The following ANK3 variants were observed in gnomAD, a reference collection of about 807,000 sequenced individuals.
ANK3 encodes ankyrin-3.
ANK3 carries 57 observed loss-of-function variants against 370.9 expected under a neutral mutation model. The observed-to-expected ratio is 0.15, with a 90% CI of 0.12 to 0.19. The LOEUF (loss-of-function observed/expected upper bound fraction) is 0.19. ANK3 is among the 10% of genes least tolerant of loss of function. The pLI, the probability that ANK3 is intolerant of heterozygous loss-of-function variation, is 1.00. For missense variants in ANK3, 4,439 were observed against 5,302.1 expected (o/e 0.84, Z 5.06); for synonymous variants, 1,929 against 1,946.3 (o/e 0.99, Z 0.23).
chr10:60,101,321 C>G (rs912406543), intron 28 of ANK3, among the ~76,000 whole-genome samples: 3 of 152,142 alleles, frequency 2.0e-5, no homozygotes, highest in African/African-American at 7.2e-5. Context: ...AGGACCTCTT[C>G]TACTAGAAAA....
chr10:60,316,474 A>G (rs115491308), intron 1 of ANK3, among the ~76,000 whole-genome samples: 3,624 of 152,230 alleles, frequency 0.024, 129 homozygotes, highest in African/African-American at 0.079. Context: ...CACTTTTTTC[A>G]TCTTAAAAAT....
intron 2 of ANK3, among the ~76,000 whole-genome samples, chr10:60,540,677 G>A (rs898778844): frequency 1.3e-5 from 2 of 151,884 alleles, no homozygotes; most frequent in Admixed American, 6.6e-5. Context: ...ACAAAGGACG[G>A]TTTAGAATGT....
At chr10:60,616,830 C>A (rs2078274377) in intron 1 of ANK3, among the ~76,000 whole-genome samples, 2 of 152,136 alleles carry the variant, frequency 1.3e-5, no homozygotes, top group South Asian at 4.1e-4. Flanking sequence ...GGCAAGTGCC[C>A]ATTTCTCTAA....
At chr10:60,174,043 G>T (rs2095861172) in intron 18 of ANK3, among the ~76,000 whole-genome samples, 1 of 152,136 alleles carries the variant, frequency 6.6e-6, no homozygotes. Flanking sequence ...GGAGAACATT[G>T]ACCTTTTATC....
chr10:60,613,652 G>C (rs772135774), intron 2 of ANK3, among the ~76,000 whole-genome samples: 1 of 151,924 alleles, frequency 6.6e-6, no homozygotes, highest in Non-Finnish European at 1.5e-5. Flanking sequence ...CTAGTATCAT[G>C]ATGAGCCTAC....
chr10:60,131,726 T>C (rs2094080230), intron 25 of ANK3, among the ~76,000 whole-genome samples: 1 of 152,156 alleles, frequency 6.6e-6, no homozygotes, highest in African/African-American at 2.4e-5. Context: ...TTTACTTCAA[T>C]GTTGATGTGC....
chr10:60,387,029 G>A (rs545254426), intron 1 of ANK3, among the ~76,000 whole-genome samples: 26 of 152,074 alleles, frequency 1.7e-4, no homozygotes, highest in Admixed American at 7.2e-4. Context: ...GCAGGGTGGC[G>A]GGTGCCTGTA....
chr10:60,627,267 T>G (rs2133335993), intron 1 of ANK3, among the ~76,000 whole-genome samples: 1 of 152,216 alleles, frequency 6.6e-6, no homozygotes, highest in East Asian at 1.9e-4. Context: ...ATTTCTAGAA[T>G]GAACTGCACT....
At chr10:60,273,302 A>G (rs2098030006) in intron 4 of ANK3, among the ~76,000 whole-genome samples, 1 of 152,194 alleles carries the variant, frequency 6.6e-6, no homozygotes, top group Non-Finnish European at 1.5e-5. Flanking sequence ...CTGAACAGTT[A>G]CATACTTCCT....
In ANK3 at chr10:60,072,190, A is replaced by G; in HGVS notation, c.8691T>C (p.Phe2897=). 1 of 1,613,898 alleles carries G rather than the reference A, an allele frequency of 6.2e-7. No homozygotes were observed. ...ESKSVDQKNE[F]MSVTERERKL... ...TGCGTTCTCTCTCAGTCACAGACATAAATTCATTCTTTTGATCAACACTTT... is the reference window on the plus strand; with the variant it reads ...TGCGTTCTCTCTCAGTCACAGACATGAATTCATTCTTTTGATCAACACTTT... Residue 2897 remains phenylalanine (F), a synonymous_variant, in exon 37 of 44, where the codon TTT becomes TTC. Coordinates refer to ENST00000280772, the MANE Select transcript of ANK3 (RefSeq NM_020987.5).
At chr10:60,723,502 A>T (rs10994481) in intron 1 of ANK3, among the ~76,000 whole-genome samples, 30,099 of 152,150 alleles carry the variant, frequency 0.2, 3,557 homozygotes, top group South Asian at 0.33. Flanking sequence ...GCCACTCATA[A>T]ACAGGTGGAC....
rs1470377667 is a variant in ANK3 at position 60,072,088 on chromosome 10, C to A, written c.8793G>T (p.Arg2931Ser). The change falls in exon 37 of 44, where the codon AGG becomes AGT. Residue 2931 changes from arginine (R) to serine (S), a missense_variant. Transcript: ENST00000280772. The part of the protein sequence containing the change: ...VKSPSKKVLY[R>S]EYVVKEGDHP... The stretch of plus-strand genomic sequence containing the variant: ...GGTCCCCTTCTTTCACAACATATTC[C>A]CTATATAAGACTTTTTTGGAGGGAG... 6.2e-7 allele frequency: 1 copy of A among 1,613,976 alleles called. No homozygotes were observed. Among genetic ancestry groups the A allele is most frequent in the Admixed American group, 1.7e-5 (1 of 59,990 alleles).
intron 2 of ANK3, among the ~76,000 whole-genome samples, chr10:60,395,573 TTTC>T (rs1477305236): frequency 8.8e-4 from 88 of 99,814 alleles, no homozygotes; most frequent in South Asian, 3.4e-3. Context: ...TCTTTCTTTC[TTTC>T]TTTCTTTCTT....
Position 60,279,103 on chromosome 10 carries a change from C to T in ANK3, c.262G>A (p.Glu88Lys). 1 of 1,613,916 alleles carries T rather than the reference C, an allele frequency of 6.2e-7. No homozygotes were observed. Among genetic ancestry groups the T allele is most frequent in the East Asian group, 2.2e-5 (1 of 44,872 alleles). The change falls in exon 3 of 44, where the codon GAG (glutamate) becomes AAG (lysine). Residue 88 changes from glutamate (E) to lysine (K), a missense_variant. Physicochemically the swap from Glu to Lys is moderately conservative, Grantham distance 56. Around this residue, in one of 13 missense-constraint regions of ANK3, gnomAD observed 136 missense variants for 230.5 expected, o/e 0.59. Transcript: ENST00000280772. ...LHLASKEGHV[E>K]VVSELLQREA... ...CTCTGCAGCAGCTCAGAAACAACCT[C>T]TACATGGCCTTCTTTGGAAGCAAGG...
chr10:60,476,330 T>C (rs1324787458), intron 2 of ANK3, among the ~76,000 whole-genome samples: 1 of 152,180 alleles, frequency 6.6e-6, no homozygotes, highest in African/African-American at 2.4e-5. Flanking sequence ...CACATGTGAC[T>C]TGATGATGTA....
intron 23 of ANK3, among the ~76,000 whole-genome samples, chr10:60,160,213 C>G (rs565534474): frequency 6.6e-6 from 1 of 151,748 alleles, no homozygotes; most frequent in Non-Finnish European, 1.5e-5. Flanking sequence ...GGGATGAAAA[C>G]GGAGACATTA....
At chr10:60,352,313 A>ATT (rs1245605035) in intron 1 of ANK3, among the ~76,000 whole-genome samples, 1 of 152,184 alleles carries the variant, frequency 6.6e-6, no homozygotes, top group Non-Finnish European at 1.5e-5. Flanking sequence ...TAAATAGCAA[A>ATT]TTGAAAAACA....
chr10:60,519,185 T>A (rs946745338), intron 2 of ANK3, among the ~76,000 whole-genome samples: 42 of 152,038 alleles, frequency 2.8e-4, no homozygotes, highest in African/African-American at 9.9e-4. Flanking sequence ...ATGCCCCGGG[T>A]GAGACATTAA....
At chr10:60,269,285 T>G (rs2097924486) in intron 5 of ANK3, among the ~76,000 whole-genome samples, 1 of 152,226 alleles carries the variant, frequency 6.6e-6, no homozygotes, top group African/African-American at 2.4e-5. Context: ...TTTTAAATAA[T>G]TATTCTATTC....
Sources: gnomAD v4.1 joint callset for allele counts (sites outside exome capture counted in the v4.1 genomes callset) on GRCh38, gnomAD v4.1.1 for gene constraint, gnomAD v4.1.1 regional missense constraint, MANE v1.5 for transcripts, NCBI Gene and HGNC (gene_info 2026-07-23, HGNC 2026-07-21) for gene names.